Variants in PNPLA8 observed in about 807,000 individuals in gnomAD.
The protein encoded by PNPLA8 is patatin like domain 8, phospholipase A2, also known as calcium-independent phospholipase A2-gamma.
A neutral mutation model predicts 76.9 loss-of-function variants in PNPLA8; 39 were observed. That is an observed-to-expected ratio of 0.51 (90% CI 0.39 to 0.66). The LOEUF is 0.66. Ranked by LOEUF, PNPLA8 falls within the 30% of genes least tolerant of loss-of-function variation. The pLI is 0.00. For synonymous variants in PNPLA8, 301 were observed against 307.9 expected (o/e 0.98, Z 0.24); for missense variants, 887 against 918.0 (o/e 0.97, Z 0.44).
At chr7:108,475,383 G>A (rs1027843491) in intron 10 of PNPLA8, among the ~76,000 whole-genome samples, 3 of 152,110 alleles carry the variant, frequency 2.0e-5, no homozygotes, top group Non-Finnish European at 4.4e-5. Context: ...GGACCAAAGA[G>A]GTTGGAGACC....
At chr7:108,519,699 T>C (rs1173228157) in intron 2 of PNPLA8, among the ~76,000 whole-genome samples, 1 of 152,120 alleles carries the variant, frequency 6.6e-6, no homozygotes, top group Non-Finnish European at 1.5e-5. Flanking sequence ...CTGGTATAAG[T>C]ATTTTGAATT....
rs751852960 is a variant in PNPLA8, at chr7:108,514,396, C to CA, written c.1056+39dup. 8 of 1,562,174 alleles carry CA rather than the reference C, an allele frequency of 5.1e-6. No individual in the cohort carries two copies. The South Asian group carries it at 9.5e-5, about 19-fold the overall frequency. On this transcript the variant is annotated intron_variant, in intron 3 of 10. Transcript: ENST00000257694. ...TAGGAAATAAAACTTATAAATTTGA[C>CA]AAAAAGTAATAGAACCGAAAAGCAC... is the stretch of plus-strand genomic sequence containing the variant.
At position 108,470,601 on chromosome 7, in the gene PNPLA8, T is replaced by C. The variant is rs1435950659; in HGVS notation, c.*1800A>G. On this transcript the variant is annotated 3_prime_UTR_variant, in exon 11 of 11. Transcript: ENST00000257694. ...TTTATTGTGCTTGAAATTTGCTTTATTACGAAGAATTCCCAGAAATATTCT... is the reference window on the plus strand; with the variant it reads ...TTTATTGTGCTTGAAATTTGCTTTACTACGAAGAATTCCCAGAAATATTCT... 1 of 152,188 alleles carries C rather than the reference T, an allele frequency of 6.6e-6. No individual in the cohort carries two copies. The highest frequency in any genetic ancestry group is 6.5e-5 in the Admixed American group (1 of 15,276). The allele number at this position is 152,188 out of a possible 1,614,324, so 9.4% of individuals were successfully genotyped here.
chr7:108,475,953 T>C (rs1859961907), intron 10 of PNPLA8, among the ~76,000 whole-genome samples: 1 of 151,272 alleles, frequency 6.6e-6, no homozygotes, highest in Non-Finnish European at 1.5e-5. Context: ...AACTCTCTTT[T>C]AAAATGTCCA....
At chr7:108,522,636 C>T (rs534287454) in intron 1 of PNPLA8, among the ~76,000 whole-genome samples, 17 of 152,224 alleles carry the variant, frequency 1.1e-4, no homozygotes, top group African/African-American at 3.1e-4. Flanking sequence ...GTCACGGGTG[C>T]GTCCTTAAAC....
At chr7:108,500,756 A>G (rs1861876262) in intron 5 of PNPLA8, among the ~76,000 whole-genome samples, 1 of 152,184 alleles carries the variant, frequency 6.6e-6, no homozygotes, top group Non-Finnish European at 1.5e-5. Flanking sequence ...CTAAAAATAC[A>G]AAAGTAGCTG....
chr7:108,514,481 G>T lies in PNPLA8; in HGVS notation c.1011C>A (p.Asp337Glu), dbSNP rs1192025283. The change falls in exon 3 of 11, where the codon GAC (aspartate) becomes GAA (glutamate). Residue 337 changes from aspartate (D) to glutamate (E), a missense_variant. By Grantham distance (45) the Asp-to-Glu change is conservative (BLOSUM62 2). Transcript: ENST00000257694. ...AACGCTTTTTCTCCTCTGCATTTCT[G>T]TCTTTGCTGACAGCCTGATCAGTTT... Reference protein sequence around the residue: ...PAKTDQAVSKDRNAEEKKRLS... With the variant: ...PAKTDQAVSKERNAEEKKRLS... The T allele has an allele frequency of 6.2e-7, 1 of 1,613,422 alleles. No individual in the cohort carries two copies. Among genetic ancestry groups the T allele is most frequent in the African/African-American group, 1.3e-5 (1 of 74,862 alleles).
chr7:108,503,515 T>G (rs1037980689), intron 4 of PNPLA8, among the ~76,000 whole-genome samples: 1 of 152,222 alleles, frequency 6.6e-6, no homozygotes, highest in Non-Finnish European at 1.5e-5. Flanking sequence ...TGAGCAATGG[T>G]GGAGAATAAT....
At chr7:108,484,270 C>T (rs1018393491) in intron 9 of PNPLA8, among the ~76,000 whole-genome samples, 3 of 152,170 alleles carry the variant, frequency 2.0e-5, no homozygotes, top group African/African-American at 7.2e-5. Context: ...AGTGGTGAAG[C>T]ATACTATCTT....
At chr7:108,483,994 T>A (rs1860572976) in intron 9 of PNPLA8, among the ~76,000 whole-genome samples, 1 of 152,184 alleles carries the variant, frequency 6.6e-6, no homozygotes, top group Non-Finnish European at 1.5e-5. Flanking sequence ...TAACTTCTAA[T>A]CAAGTAGGTA....
At chr7:108,494,955 A>G (rs1025904059) in intron 7 of PNPLA8, among the ~76,000 whole-genome samples, 12 of 152,198 alleles carry the variant, frequency 7.9e-5, no homozygotes, top group African/African-American at 2.7e-4. Context: ...ATCAAAAACC[A>G]AAACCTTTTT....
At position 108,515,207 on chromosome 7, in the gene PNPLA8, T is replaced by C; in HGVS notation, c.285A>G (p.Thr95=). The change falls in exon 3 of 11, where the codon ACA becomes ACG. Residue 95 remains threonine, a synonymous_variant. Coordinates refer to ENST00000257694, the MANE Select transcript of PNPLA8 (RefSeq NM_001256007.3). ...KLSTSAPKGL[T]KVNICMSRIK... Reference sequence around the variant, plus strand: ...TACGGGACATACAAATGTTCACTTTTGTAAGTCCCTTGGGAGCAGAAGTGC... The same window carrying C: ...TACGGGACATACAAATGTTCACTTTCGTAAGTCCCTTGGGAGCAGAAGTGC... 1.2e-6 allele frequency: 2 copies of C among 1,604,610 alleles called. No homozygotes were observed. The highest frequency in any genetic ancestry group is 1.7e-6 in the Non-Finnish European group (2 of 1,173,798).
At chr7:108,503,189 G>A (rs1217305917) in intron 4 of PNPLA8, among the ~76,000 whole-genome samples, 2 of 152,154 alleles carry the variant, frequency 1.3e-5, no homozygotes, top group Non-Finnish European at 2.9e-5. Context: ...ATAAACCTGA[G>A]ACTTCAAGAT....
At chr7:108,502,102 C>CT (rs909697680) in intron 5 of PNPLA8, among the ~76,000 whole-genome samples, 312 of 146,428 alleles carry the variant, frequency 2.1e-3, no homozygotes, top group Admixed American at 5.3e-3. Context: ...TATATCAAAT[C>CT]TTTTTTTTTT....
intron 10 of PNPLA8, among the ~76,000 whole-genome samples, chr7:108,473,308 T>C (rs1563925392): frequency 6.6e-6 from 1 of 152,212 alleles, no homozygotes; most frequent in Non-Finnish European, 1.5e-5. Flanking sequence ...TACAACACAA[T>C]TTGTTCTCTG....
chr7:108,497,633 A>C (rs1861640616), intron 5 of PNPLA8, 56 bp from the exon 6 acceptor site: 1 of 975,738 alleles, frequency 1.0e-6, no homozygotes, highest in Admixed American at 2.7e-5. Context: ...AAAATAATTT[A>C]AGCTGTTGAA....
intron 1 of PNPLA8, among the ~76,000 whole-genome samples, chr7:108,524,086 C>A (rs1863921511): frequency 6.6e-6 from 1 of 152,146 alleles, no homozygotes; most frequent in Non-Finnish European, 1.5e-5. Context: ...TGGAAATGTA[C>A]ACAGACTGTG....
At position 108,514,227 on chromosome 7, in the gene PNPLA8, C is replaced by G. The variant is rs1397708871; in HGVS notation, c.1123G>C (p.Asp375His). 6.2e-7 allele frequency: 1 copy of G among 1,609,596 alleles called. No individual in the cohort carries two copies. The highest frequency in any genetic ancestry group is 1.1e-5 in the South Asian group (1 of 90,986). ...ALVQALRRTTDPKLCITRVEE... is the reference protein window; with the variant it reads ...ALVQALRRTTHPKLCITRVEE... ...ACCCTAGTAATGCAGAGCTTTGGGT[C>G]AGTTGTTCTTCTTAATGCCTGAACT... The change falls in exon 4 of 11, where the codon GAC (aspartate) becomes CAC (histidine). Residue 375 changes from aspartate (D) to histidine (H), a missense_variant. By Grantham distance (81) the Asp-to-His change is moderately conservative. Transcript: ENST00000257694.
rs1489220084 is a variant in PNPLA8, at chr7:108,502,522, G to T, written c.1327C>A (p.Arg443=). The T allele has an allele frequency of 6.2e-7, 1 of 1,608,684 alleles. No homozygotes were observed. Among genetic ancestry groups the T allele is most frequent in the African/African-American group, 1.4e-5 (1 of 73,872 alleles). ...CCTCCACCATCAATTGAGAGAATTC[G>T]GATTCCTCTCCCTTTCACTGGATCC... The part of the protein sequence containing the change: ...YVDPVKGRGI[R]ILSIDGGGTR... The change falls in exon 5 of 11, where the codon CGA becomes AGA. Residue 443 remains arginine (R), a synonymous_variant. Coordinates refer to ENST00000257694, the MANE Select transcript of PNPLA8 (RefSeq NM_001256007.3).
Sources: allele counts gnomAD v4.1 joint callset (sites outside exome capture counted in the v4.1 genomes callset), GRCh38; gene constraint gnomAD v4.1.1; transcripts MANE v1.5; gene names NCBI Gene and HGNC (gene_info 2026-07-23, HGNC 2026-07-21).